Variants in HNRNPR observed in about 807,000 individuals in gnomAD.
HNRNPR encodes heterogeneous nuclear ribonucleoprotein R.
HNRNPR carries 4 observed loss-of-function variants against 70.3 expected under a neutral mutation model. The ratio of observed to expected loss-of-function variants is 0.06; its 90% CI spans 0.03 to 0.13. The LOEUF (loss-of-function observed/expected upper bound fraction) is 0.13. Among genes scored for constraint, HNRNPR ranks in the 10% least tolerant of loss-of-function variants. The pLI, the probability that HNRNPR is intolerant of heterozygous loss-of-function variation, is 1.00. For missense variants in HNRNPR, 423 were observed against 788.5 expected (o/e 0.54, Z 5.55); for synonymous variants, 241 against 267.6 (o/e 0.90, Z 0.97).
At position 23,337,793 on chromosome 1, in the gene HNRNPR, C is replaced by A. The variant is rs1646559077; in HGVS notation, c.345G>T (p.Val115=). ...YRQREKQGSK[V]QESTKGPDEA... ...CATCAGGTCCCTTTGTGGACTCTTGCACCTTGCTCCCCTGTTTCTCTCTCT... is the reference window on the plus strand; with the variant it reads ...CATCAGGTCCCTTTGTGGACTCTTGAACCTTGCTCCCCTGTTTCTCTCTCT... The change falls in exon 4 of 11, where the codon GTG becomes GTT. Residue 115 remains valine (V), a synonymous_variant. Transcript: ENST00000302271. The A allele has an allele frequency of 6.2e-7, 1 of 1,613,638 alleles. No homozygotes were observed. Among genetic ancestry groups the A allele is most frequent in the Non-Finnish European group, 8.5e-7 (1 of 1,179,708 alleles).
chr1:23,321,028 T>C (rs1209823307), intron 7 of HNRNPR, among the ~76,000 whole-genome samples: 1 of 151,884 alleles, frequency 6.6e-6, no homozygotes, highest in Non-Finnish European at 1.5e-5. Flanking sequence ...TAGCCAGGCG[T>C]GGTGGCACAT....
Position 23,318,373 on chromosome 1 carries a change from A to C in HNRNPR, c.1017+110T>G. 4.5e-6 allele frequency: 4 copies of C among 887,054 alleles called. No homozygotes were observed. Among genetic ancestry groups the C allele is most frequent in the Middle Eastern group, 7.1e-4 (2 of 2,828 alleles). 54.9% of individuals were successfully genotyped at this position (887,054 alleles called of 1,614,324 possible). A position where few individuals can be genotyped will look rare whatever the true frequency, so the allele number is the denominator to read the frequency against. ...AAGCCGCTCCTTGCCAAACAGTTGA[A>C]GTCTAAAGCTACAATTTCTATTTAT... On this transcript the variant is annotated intron_variant, in intron 8 of 10. Coordinates refer to ENST00000302271, the MANE Select transcript of HNRNPR (RefSeq NM_005826.5). This position sits in a 1 kb window ranked among gnomAD's most constrained non-coding sequence, Gnocchi z 4.2.
chr1:23,331,834 T>TAAAAAAAAAAAAAAAAA (rs59006948), intron 5 of HNRNPR, among the ~76,000 whole-genome samples: 2 of 59,270 alleles, frequency 3.4e-5, no homozygotes, highest in East Asian at 8.1e-4. Flanking sequence ...ACTGTTTCTT[T>TAAAAAAAAAAAAAAAAA]AAAAAAAAAA....
chr1:23,312,868 C>A (rs1310383983), intron 9 of HNRNPR, among the ~76,000 whole-genome samples: 6 of 152,028 alleles, frequency 3.9e-5, no homozygotes, highest in African/African-American at 1.4e-4. Flanking sequence ...CTCCCACCCC[C>A]CCAAGGAAGG....
At chr1:23,324,459 T>G (rs1211874964) in intron 5 of HNRNPR, among the ~76,000 whole-genome samples, 1 of 152,072 alleles carries the variant, frequency 6.6e-6, no homozygotes, top group Non-Finnish European at 1.5e-5. Flanking sequence ...TCCCAGCTAC[T>G]TGGGAGGCTG....
chr1:23,324,294 C>T (rs1053033925), intron 5 of HNRNPR, among the ~76,000 whole-genome samples: 1 of 152,188 alleles, frequency 6.6e-6, no homozygotes, highest in Non-Finnish European at 1.5e-5. Flanking sequence ...CTCGGCCGGG[C>T]GCGGCAGCTC....
At chr1:23,336,293 C>T (rs1342840011) in intron 4 of HNRNPR, among the ~76,000 whole-genome samples, 2 of 150,030 alleles carry the variant, frequency 1.3e-5, no homozygotes, top group African/African-American at 2.5e-5. Flanking sequence ...CAGCCAGGCA[C>T]GGTGGCTCAC....
chr1:23,320,785 TTG>T (rs1217771441), intron 7 of HNRNPR, among the ~76,000 whole-genome samples: 3 of 152,168 alleles, frequency 2.0e-5, no homozygotes, highest in Non-Finnish European at 2.9e-5. Flanking sequence ...TTTTGTTAAA[TTG>T]TTTCAGTTAT....
intron 9 of HNRNPR, among the ~76,000 whole-genome samples, chr1:23,313,194 TTCA>T (rs1214701053): frequency 6.6e-6 from 1 of 152,170 alleles, no homozygotes; most frequent in Non-Finnish European, 1.5e-5. Context: ...CTCAGTTTCC[TTCA>T]TAGGTACACA....
At chr1:23,332,255 G>A (rs1646264432) in intron 5 of HNRNPR, among the ~76,000 whole-genome samples, 1 of 152,110 alleles carries the variant, frequency 6.6e-6, no homozygotes, top group Non-Finnish European at 1.5e-5. Context: ...TTCAAGTATG[G>A]ACTAACATAC....
At chr1:23,332,181 G>A (rs576216640) in intron 5 of HNRNPR, among the ~76,000 whole-genome samples, 1 of 152,142 alleles carries the variant, frequency 6.6e-6, no homozygotes, top group Admixed American at 6.6e-5. Context: ...GAATAGAACA[G>A]GCTAGCAATA....
At chr1:23,341,623 C>T (rs1280973151) in intron 1 of HNRNPR, among the ~76,000 whole-genome samples, 2 of 151,846 alleles carry the variant, frequency 1.3e-5, no homozygotes, top group Non-Finnish European at 2.9e-5. Context: ...TCGCTATTCC[C>T]ACAGATTTAA....
At chr1:23,321,744 T>C in intron 6 of HNRNPR, 81 bp from the exon 7 acceptor site, 2 of 1,431,298 alleles carry the variant, frequency 1.4e-6, no homozygotes, top group Non-Finnish European at 1.9e-6. Context: ...ATTCAACAAT[T>C]TAAGGCCAAA....
intron 5 of HNRNPR, 68 bp from the exon 6 acceptor site, chr1:23,323,800 C>G: frequency 8.9e-7 from 1 of 1,128,050 alleles, no homozygotes; most frequent in African/African-American, 1.6e-5. Flanking sequence ...AGCCTACTGC[C>G]TTTTTTTTTT....
chr1:23,330,651 A>G (rs540838732), intron 5 of HNRNPR, among the ~76,000 whole-genome samples: 63 of 152,344 alleles, frequency 4.1e-4, no homozygotes, highest in African/African-American at 1.4e-3. Context: ...ACTAAAAAAT[A>G]TATTTCAAAA....
chr1:23,331,595 G>C (rs1646226654), intron 5 of HNRNPR, among the ~76,000 whole-genome samples: 1 of 151,758 alleles, frequency 6.6e-6, no homozygotes, highest in Non-Finnish European at 1.5e-5. Context: ...GCTGAGGTAG[G>C]AGAATCGCTT....
chr1:23,323,091 CGTATGA>C (rs1255942373), intron 6 of HNRNPR, among the ~76,000 whole-genome samples: 5 of 152,170 alleles, frequency 3.3e-5, no homozygotes, highest in Non-Finnish European at 7.3e-5. Context: ...TGAAATAAAT[CGTATGA>C]GTAGGCTGTA....
Position 23,336,526 on chromosome 1 carries a change from C to T in HNRNPR, c.384+1228G>A, listed in dbSNP as rs527435565. Among the ~76,000 whole-genome samples, 160 of 129,724 alleles carry T rather than the reference C, an allele frequency of 1.2e-3. 1 individual carries two copies. The highest frequency in any genetic ancestry group is 3.8e-3 in the African/African-American group (128 of 33,520). 85.1% of individuals were successfully genotyped at this position (129,724 alleles called of 152,430 possible). ...GGCAGACCTTGCAATGAGCTGAGATCGCGCCACTGCACTCCAGCCTGGGCG... is the reference window on the plus strand; with the variant it reads ...GGCAGACCTTGCAATGAGCTGAGATTGCGCCACTGCACTCCAGCCTGGGCG... On this transcript the variant is annotated intron_variant, in intron 4 of 10. Coordinates refer to ENST00000302271, the MANE Select transcript of HNRNPR (RefSeq NM_005826.5).
Position 23,333,649 on chromosome 1 carries a change from T to C in HNRNPR, c.385-18A>G. 1 of 1,406,846 alleles carries C rather than the reference T, an allele frequency of 7.1e-7. No homozygotes were observed. The highest frequency in any genetic ancestry group is 1.2e-5 in the South Asian group (1 of 86,838). 87.1% of individuals were successfully genotyped at this position (1,406,846 alleles called of 1,614,324 possible). On this transcript the variant is annotated intron_variant, in intron 4 of 10. Coordinates refer to ENST00000302271, the MANE Select transcript of HNRNPR (RefSeq NM_005826.5). The stretch of plus-strand genomic sequence containing the variant: ...AGCAAGGCCTAGAGATAATTATACA[T>C]CTCTTTATACTTGAGTACTAAATCT...
Sources: gnomAD v4.1 joint callset for allele counts (sites outside exome capture counted in the v4.1 genomes callset) on GRCh38, gnomAD v4.1.1 for gene constraint, Gnocchi (gnomAD v3.1) non-coding constraint, MANE v1.5 for transcripts, NCBI Gene and HGNC (gene_info 2026-07-23, HGNC 2026-07-21) for gene names.